The following FHOD3 variants were observed in gnomAD, a reference collection of about 807,000 sequenced individuals.
FHOD3 encodes FH1/FH2 domain-containing protein 3.
In FHOD3, 90 loss-of-function variants were observed where a neutral mutation model predicts 173.0. That is an observed-to-expected ratio of 0.52 (90% confidence interval 0.44 to 0.62). The LOEUF (loss-of-function observed/expected upper bound fraction) is 0.62. FHOD3 is among the 20% of genes least tolerant of loss of function. The pLI is 0.00. For missense variants in FHOD3, 1,945 were observed against 2,034.7 expected (o/e 0.96, Z 0.85); for synonymous variants, 828 against 823.0 (o/e 1.01, Z -0.10).
At chr18:36,594,756 A>T in intron 6 of FHOD3, 31 bp from the exon 7 acceptor site, 1 of 1,526,520 alleles carries the variant, frequency 6.6e-7, no homozygotes, top group Non-Finnish European at 9.1e-7. Flanking sequence ...CCTTGTTGGC[A>T]GTGATGTGAT....
At chr18:36,496,270 A>G (rs771204576) in intron 3 of FHOD3, among the ~76,000 whole-genome samples, 23 of 152,294 alleles carry the variant, frequency 1.5e-4, no homozygotes, top group Middle Eastern at 3.4e-3. Context: ...CCTCTCTTGA[A>G]CCACATCAAA....
At chr18:36,343,552 G>T (rs1172480779) in intron 1 of FHOD3, among the ~76,000 whole-genome samples, 1 of 152,124 alleles carries the variant, frequency 6.6e-6, no homozygotes, top group East Asian at 1.9e-4. Context: ...ATGGTTGGGG[G>T]AGAGTGAGTT....
chr18:36,365,373 A>G lies in FHOD3; in HGVS notation c.273-7307A>G, dbSNP rs535044372. Among the ~76,000 whole-genome samples the G allele has an allele frequency of 2.0e-5, 3 of 152,352 alleles. No individual in the cohort carries two copies. The South Asian group carries it at 6.2e-4, about 32-fold the overall frequency. On this transcript the variant is annotated intron_variant, in intron 2 of 28. Coordinates refer to ENST00000590592, the MANE Select transcript of FHOD3 (RefSeq NM_001281740.3). Reference sequence around the variant, plus strand: ...AATGTTTGTAAATCATATATCTGATATCTGATGACCTGGAAGACAGGCCAT... The same window carrying G: ...AATGTTTGTAAATCATATATCTGATGTCTGATGACCTGGAAGACAGGCCAT...
intron 1 of FHOD3, among the ~76,000 whole-genome samples, chr18:36,335,514 A>C (rs2045263784): frequency 6.6e-6 from 1 of 150,506 alleles, no homozygotes; most frequent in Non-Finnish European, 1.5e-5. Flanking sequence ...AAAAAACTTA[A>C]AAAAAATCTC....
At chr18:36,519,921 A>G (rs2056187598) in intron 5 of FHOD3, among the ~76,000 whole-genome samples, 1 of 149,782 alleles carries the variant, frequency 6.7e-6, no homozygotes, top group Non-Finnish European at 1.5e-5. Context: ...GTCTCTGGGT[A>G]ACTTTAGTTT....
At chr18:36,482,842 CACACTCACACACACACAGAGAGAGAGAG>C (rs1182306365) in intron 3 of FHOD3, among the ~76,000 whole-genome samples, 1 of 79,360 alleles carries the variant, frequency 1.3e-5, no homozygotes, top group Non-Finnish European at 2.4e-5. Flanking sequence ...CACACACACA[CACACTCACACACACACAGAGAGAGAGAG>C]AGAGAGAGAG....
At chr18:36,528,752 A>G (rs556834061) in intron 5 of FHOD3, among the ~76,000 whole-genome samples, 1 of 152,344 alleles carries the variant, frequency 6.6e-6, no homozygotes, top group Admixed American at 6.5e-5. Flanking sequence ...AAAGAAGAAC[A>G]TGGTTGTTAG....
intron 5 of FHOD3, among the ~76,000 whole-genome samples, chr18:36,514,014 C>CTTTTTTTTTTTTTTTTTTTTTTTTTTTT (rs58493993): frequency 9.6e-6 from 1 of 104,640 alleles, no homozygotes; most frequent in Non-Finnish European, 1.9e-5. Flanking sequence ...TATTTCTATT[C>CTTTTTTTTTTTTTTTTTTTTTTTTTTTT]TTTTTTTTTT....
chr18:36,474,726 T>A, intron 3 of FHOD3, among the ~76,000 whole-genome samples: 1 of 152,106 alleles, frequency 6.6e-6, no homozygotes, highest in East Asian at 1.9e-4. Context: ...ACCTCTTAGA[T>A]CACCTTTGCG....
intron 3 of FHOD3, among the ~76,000 whole-genome samples, chr18:36,441,060 GGTC>G (rs2051116707): frequency 6.6e-6 from 1 of 152,156 alleles, no homozygotes; most frequent in Non-Finnish European, 1.5e-5. Flanking sequence ...GTGTGTGTAA[GGTC>G]ATTCTCTCTT....
At chr18:36,767,086 C>T (rs1426497712) in intron 27 of FHOD3, among the ~76,000 whole-genome samples, 6 of 151,924 alleles carry the variant, frequency 3.9e-5, no homozygotes, top group Non-Finnish European at 8.8e-5. Flanking sequence ...ATTAAAATAC[C>T]GTGACCATTC....
intron 9 of FHOD3, among the ~76,000 whole-genome samples, chr18:36,612,516 A>C (rs1341504175): frequency 6.6e-6 from 1 of 152,188 alleles, no homozygotes; most frequent in Non-Finnish European, 1.5e-5. Flanking sequence ...AACGAAAATG[A>C]AGGACCATTT....
chr18:36,713,716 C>T (rs1275345792), intron 18 of FHOD3, among the ~76,000 whole-genome samples: 1 of 152,106 alleles, frequency 6.6e-6, no homozygotes, highest in Admixed American at 6.5e-5. Context: ...TTGATTTTAT[C>T]TTTACAAATT....
chr18:36,624,381 C>T (rs537017362), intron 9 of FHOD3, among the ~76,000 whole-genome samples: 1 of 152,310 alleles, frequency 6.6e-6, no homozygotes, highest in African/African-American at 2.4e-5. Flanking sequence ...CCAGCATGCA[C>T]ACCAAGGTCT....
intron 16 of FHOD3, among the ~76,000 whole-genome samples, chr18:36,689,197 C>A (rs1289090175): frequency 1.3e-5 from 2 of 152,028 alleles, no homozygotes; most frequent in African/African-American, 4.8e-5. Context: ...TCCTACTAAG[C>A]CAGGAAAAAG....
intron 14 of FHOD3, among the ~76,000 whole-genome samples, chr18:36,675,503 C>A (rs2037795700): frequency 1.3e-5 from 2 of 152,194 alleles, no homozygotes; most frequent in African/African-American, 4.8e-5. Context: ...AGCCCTGAGA[C>A]ATGACTATGA....
intron 6 of FHOD3, among the ~76,000 whole-genome samples, chr18:36,581,866 G>A (rs1428609888): frequency 1.3e-5 from 2 of 152,066 alleles, no homozygotes; most frequent in Admixed American, 1.3e-4. Context: ...GGTGGAGGAG[G>A]GGAAATTGAC....
chr18:36,549,720 T>G (rs2147298970), intron 5 of FHOD3, among the ~76,000 whole-genome samples: 1 of 149,792 alleles, frequency 6.7e-6, no homozygotes, highest in South Asian at 2.1e-4. Context: ...TTTTTTTTTT[T>G]TGTATTTTTA....
intron 10 of FHOD3, among the ~76,000 whole-genome samples, chr18:36,634,709 A>G (rs1190527808): frequency 6.6e-6 from 1 of 152,144 alleles, no homozygotes; most frequent in Non-Finnish European, 1.5e-5. Flanking sequence ...TAAACTCAGG[A>G]TGATGGTACC....
Sources: gnomAD v4.1 joint callset for allele counts (sites outside exome capture counted in the v4.1 genomes callset) on GRCh38, gnomAD v4.1.1 for gene constraint, MANE v1.5 for transcripts, NCBI Gene and HGNC (gene_info 2026-07-23, HGNC 2026-07-21) for gene names.